Variants in CLIC4 observed in about 807,000 individuals in gnomAD.
CLIC4 encodes the protein chloride intracellular channel protein 4.
Under a neutral mutation model 24.6 loss-of-function variants are expected in CLIC4, and 13 were observed. That is an observed-to-expected ratio of 0.53 (90% CI 0.34 to 0.84). The LOEUF (loss-of-function observed/expected upper bound fraction) is 0.84. Among genes scored for constraint, CLIC4 ranks in the 40% least tolerant of loss-of-function variants. The pLI is 0.01. For synonymous variants in CLIC4, 104 were observed against 111.3 expected (o/e 0.93, Z 0.41); for missense variants, 227 against 301.7 (o/e 0.75, Z 1.83).
intron 1 of CLIC4, among the ~76,000 whole-genome samples, chr1:24,769,906 G>A (rs1639051102): frequency 6.6e-6 from 1 of 151,882 alleles, no homozygotes; most frequent in South Asian, 2.1e-4. Flanking sequence ...GCCCAGGATG[G>A]AGTGCAGTGG....
At chr1:24,749,549 C>T (rs192856770) in intron 1 of CLIC4, among the ~76,000 whole-genome samples, 53 of 152,310 alleles carry the variant, frequency 3.5e-4, no homozygotes, top group African/African-American at 1.3e-3. Context: ...GAGTTGTCTG[C>T]CTGTGAGCCC....
At chr1:24,806,323 T>C (rs1422973966) in intron 2 of CLIC4, among the ~76,000 whole-genome samples, 1 of 152,224 alleles carries the variant, frequency 6.6e-6, no homozygotes, top group East Asian at 1.9e-4. Flanking sequence ...AGATTCTGTT[T>C]TGTTGATACA....
At chr1:24,799,647 T>TG (rs1191825791) in intron 2 of CLIC4, among the ~76,000 whole-genome samples, 108 of 51,144 alleles carry the variant, frequency 2.1e-3, no homozygotes, top group African/African-American at 6.8e-3. Context: ...GGGAGGGAGG[T>TG]GGGGGGGGTC....
At chr1:24,836,263 TA>T (rs1639884284) in intron 4 of CLIC4, among the ~76,000 whole-genome samples, 1 of 152,184 alleles carries the variant, frequency 6.6e-6, no homozygotes, top group African/African-American at 2.4e-5. Flanking sequence ...TCCACAGTCA[TA>T]GTGGGGGATC....
chr1:24,753,000 C>T (rs1313385740), intron 1 of CLIC4, among the ~76,000 whole-genome samples: 3 of 152,172 alleles, frequency 2.0e-5, no homozygotes, highest in Non-Finnish European at 4.4e-5. Flanking sequence ...GGATTACAGG[C>T]GTGAGCCACC....
intron 2 of CLIC4, among the ~76,000 whole-genome samples, chr1:24,802,426 A>G (rs1484277527): frequency 6.6e-6 from 1 of 152,200 alleles, no homozygotes; most frequent in Non-Finnish European, 1.5e-5. Context: ...TCAGGGCCTT[A>G]TAATTAGAAA....
At position 24,745,515 on chromosome 1, in the gene CLIC4, AGC is replaced by A; in HGVS notation, c.-38_-37del. ...CCGGAGCAGAAGCAGCAGCAGCAGC[AGC>A]AGCCCTCGCCGTTCGCGGAGCGCAG... On this transcript the variant is annotated 5_prime_UTR_variant, in exon 1 of 6. Coordinates refer to ENST00000374379, the MANE Select transcript of CLIC4 (RefSeq NM_013943.3). The A allele has an allele frequency of 6.5e-7, 1 of 1,545,690 alleles. No homozygotes were observed. The highest frequency in any genetic ancestry group is 2.5e-5 in the East Asian group (1 of 40,608).
intron 2 of CLIC4, among the ~76,000 whole-genome samples, chr1:24,804,080 C>G (rs903035997): frequency 6.6e-6 from 1 of 152,074 alleles, no homozygotes; most frequent in Non-Finnish European, 1.5e-5. Flanking sequence ...TTTCTGAAAA[C>G]AGTCTTCAGT....
At chr1:24,820,062 A>G (rs1459523670) in intron 3 of CLIC4, among the ~76,000 whole-genome samples, 1 of 24,740 alleles carries the variant, frequency 4.0e-5, no homozygotes, top group Non-Finnish European at 9.3e-5. Context: ...AAAAAAAAAA[A>G]GTATGTATAT....
At chr1:24,826,777 T>TG (rs1639790788) in intron 3 of CLIC4, among the ~76,000 whole-genome samples, 1 of 152,100 alleles carries the variant, frequency 6.6e-6, no homozygotes, top group Non-Finnish European at 1.5e-5. Context: ...GGAGGTGGAG[T>TG]GCACATGCCC....
intron 3 of CLIC4, among the ~76,000 whole-genome samples, chr1:24,815,275 A>G (rs912228607): frequency 6.6e-6 from 1 of 152,168 alleles, no homozygotes; most frequent in Non-Finnish European, 1.5e-5. Flanking sequence ...AGGCGGATGG[A>G]TCACCTGAGG....
rs1037020166 is a variant in CLIC4, at chr1:24,815,827, A to C, written c.308+1608A>C. On this transcript the variant is annotated intron_variant, in intron 3 of 5. Transcript: ENST00000374379. Reference sequence around the variant, plus strand: ...TGCACCCCTGTTTGATAGTGTTTTTACCCACAGTAGAACCTTTTTCAAAAT... The same window carrying C: ...TGCACCCCTGTTTGATAGTGTTTTTCCCCACAGTAGAACCTTTTTCAAAAT... Among the ~76,000 whole-genome samples the C allele has an allele frequency of 6.0e-4, 92 of 152,182 alleles. 1 individual carries two copies. Among genetic ancestry groups the C allele is most frequent in the African/African-American group, 2.1e-3 (89 of 41,442 alleles).
chr1:24,754,257 AAC>A (rs1231915237), intron 1 of CLIC4, among the ~76,000 whole-genome samples: 1 of 152,184 alleles, frequency 6.6e-6, no homozygotes, highest in Non-Finnish European at 1.5e-5. Context: ...CGAAAAGCTT[AAC>A]AGAGTATGAA....
chr1:24,825,472 G>A (rs528131703), intron 3 of CLIC4, among the ~76,000 whole-genome samples: 15 of 152,264 alleles, frequency 9.9e-5, no homozygotes, highest in East Asian at 7.7e-4. Flanking sequence ...TATAGTTGGC[G>A]ATGTGTGGTT....
chr1:24,835,953 T>G (rs6600274), intron 4 of CLIC4, among the ~76,000 whole-genome samples: 89,521 of 152,000 alleles, frequency 0.59, 28,610 homozygotes, highest in Non-Finnish European at 0.71. Context: ...ACAATGTTGC[T>G]TATGTACAAG....
intron 1 of CLIC4, among the ~76,000 whole-genome samples, chr1:24,761,632 G>A (rs1004471966): frequency 6.6e-6 from 1 of 152,282 alleles, no homozygotes; most frequent in East Asian, 1.9e-4. Flanking sequence ...GGGTTTAAGT[G>A]AGGGAGCTTC....
At position 24,839,886 on chromosome 1, in the gene CLIC4, C is replaced by T. The variant is rs1639924953; in HGVS notation, c.442C>T (p.Leu148=). The T allele has an allele frequency of 6.2e-7, 1 of 1,612,120 alleles. No homozygotes were observed. The highest frequency in any genetic ancestry group is 8.5e-7 in the Non-Finnish European group (1 of 1,179,888). ...EALERGLLKT[L]QKLDEYLNSP... ...ACTGGAGAGGGGTCTCCTGAAAACC[C>T]TGCAGAAACTGGATGAATATCTGAA... The change falls in exon 5 of 6, where the codon CTG becomes TTG. Residue 148 remains leucine, a synonymous_variant. Transcript: ENST00000374379.
At chr1:24,826,523 G>A (rs565953662) in intron 3 of CLIC4, among the ~76,000 whole-genome samples, 2 of 152,330 alleles carry the variant, frequency 1.3e-5, no homozygotes, top group Middle Eastern at 6.8e-3. Context: ...CACTTGAAAT[G>A]TGACTAGTGC....
chr1:24,828,265 G>T (rs939869493), intron 4 of CLIC4, among the ~76,000 whole-genome samples: 4 of 152,082 alleles, frequency 2.6e-5, no homozygotes, highest in Admixed American at 6.5e-5. Flanking sequence ...TACAGTGAAG[G>T]GAAAAAAGGG....
Sources: gnomAD v4.1 joint callset for allele counts (sites outside exome capture counted in the v4.1 genomes callset) on GRCh38, gnomAD v4.1.1 for gene constraint, MANE v1.5 for transcripts, NCBI Gene and HGNC (gene_info 2026-07-23, HGNC 2026-07-21) for gene names.